Variants in CDH12 observed in about 807,000 individuals in gnomAD.
CDH12 encodes cadherin-12.
In CDH12, 41 loss-of-function variants were observed where a neutral mutation model predicts 74.1. The ratio of observed to expected loss-of-function variants is 0.55; its 90% confidence interval spans 0.43 to 0.72. CDH12 has a LOEUF of 0.72. CDH12 is among the 30% of genes least tolerant of loss of function. The pLI, the probability that CDH12 is intolerant of heterozygous loss-of-function variation, is 0.00. For missense variants in CDH12, 945 were observed against 977.2 expected (o/e 0.97, Z 0.44); for synonymous variants, 399 against 355.0 (o/e 1.12, Z -1.39).
intron 4 of CDH12, among the ~76,000 whole-genome samples, chr5:22,146,533 C>A (rs1747195719): frequency 6.6e-6 from 1 of 151,962 alleles, no homozygotes; most frequent in South Asian, 2.1e-4. Context: ...ATTTTATGGC[C>A]TCTACCCCAT....
intron 1 of CDH12, among the ~76,000 whole-genome samples, chr5:22,681,326 G>T (rs1741482706): frequency 6.6e-6 from 1 of 151,324 alleles, no homozygotes; most frequent in African/African-American, 2.4e-5. Context: ...TTCTGAATAT[G>T]GGCATGAGAG....
chr5:22,668,864 C>A (rs553966009), intron 1 of CDH12, among the ~76,000 whole-genome samples: 1 of 152,040 alleles, frequency 6.6e-6, no homozygotes, highest in South Asian at 2.1e-4. Flanking sequence ...CTCCTCCCTC[C>A]TCCTCTCCTC....
Position 21,755,611 on chromosome 5 carries a change from A to G in CDH12, c.1865T>C (p.Leu622Pro), listed in dbSNP as rs758648048. Residue 622 changes from leucine (L) to proline (P), a missense_variant, in exon 14 of 15, where the codon CTA becomes CCA. Leu to Pro is a moderately conservative substitution (Grantham distance 98). This residue lies in a region of CDH12 where 791 missense variants were observed against 792.8 expected (regional missense o/e 1.00). Transcript: ENST00000382254. ...CCAACCTAAGAGTATAACAATGCATAGTAGAATTGCAATCAACGCCCCAGT... is the reference window on the plus strand; with the variant it reads ...CCAACCTAAGAGTATAACAATGCATGGTAGAATTGCAATCAACGCCCCAGT... ...LSTGALIAILLCIVILLAIVV... is the reference protein window; with the variant it reads ...LSTGALIAILPCIVILLAIVV... 1.9e-6 allele frequency: 3 copies of G among 1,613,890 alleles called. No individual in the cohort carries two copies. The African/African-American group carries it at 4.0e-5, about 22-fold the overall frequency.
In CDH12 at chr5:22,712,432, C is replaced by T. The variant is rs527502112; in HGVS notation, c.-523+140626G>A. On this transcript the variant is annotated intron_variant, in intron 1 of 14. Coordinates refer to ENST00000382254, the MANE Select transcript of CDH12 (RefSeq NM_004061.5). ...CAAGTTCCTCAGCATCAAAACCTCT[C>T]CCCTTTTAAATCTACTCTAATCAAT... Among the ~76,000 whole-genome samples, 223 of 151,982 alleles carry T rather than the reference C, an allele frequency of 1.5e-3. 1 individual carries two copies. Among genetic ancestry groups the T allele is most frequent in the African/African-American group, 5.3e-3 (220 of 41,514 alleles).
At chr5:22,669,899 AT>A (rs200605316) in intron 1 of CDH12, among the ~76,000 whole-genome samples, 1 of 148,800 alleles carries the variant, frequency 6.7e-6, no homozygotes, top group African/African-American at 2.5e-5. Flanking sequence ...GGTCAAAACT[AT>A]GAAGTAGTGA....
intron 1 of CDH12, among the ~76,000 whole-genome samples, chr5:22,526,080 C>G (rs1737262976): frequency 6.6e-6 from 1 of 152,114 alleles, no homozygotes; most frequent in East Asian, 1.9e-4. Flanking sequence ...AGTCTTTACT[C>G]ATTTCTTCAC....
chr5:22,830,241 ATTGT>A (rs1168015809), intron 1 of CDH12, among the ~76,000 whole-genome samples: 2 of 152,158 alleles, frequency 1.3e-5, no homozygotes, highest in Non-Finnish European at 2.9e-5. Flanking sequence ...AGACAATTAA[ATTGT>A]TTAAGAAAAG....
At chr5:22,335,566 C>A (rs1028186579) in intron 3 of CDH12, among the ~76,000 whole-genome samples, 1 of 150,964 alleles carries the variant, frequency 6.6e-6, no homozygotes, top group Admixed American at 6.6e-5. Context: ...GGCTGGGTGA[C>A]AGAGTAAGAC....
At position 22,235,767 on chromosome 5, in the gene CDH12, A is replaced by C. The variant is rs529236967; in HGVS notation, c.-332-23124T>G. Among the ~76,000 whole-genome samples the C allele has an allele frequency of 2.6e-5, 4 of 152,318 alleles. No homozygotes were observed. The South Asian group carries it at 8.3e-4, about 32-fold the overall frequency. On this transcript the variant is annotated intron_variant, in intron 3 of 14. Transcript: ENST00000382254. ...TAAAAGAGTAGCAGAAAGAAAAATA[A>C]GGAAAAGTTCATACAGTCCTGCCTC...
At chr5:22,018,193 A>G (rs2150158556) in intron 5 of CDH12, among the ~76,000 whole-genome samples, 1 of 152,300 alleles carries the variant, frequency 6.6e-6, no homozygotes, top group African/African-American at 2.4e-5. Flanking sequence ...AACCAACAGA[A>G]ACTAAACAGA....
At chr5:22,415,294 A>G (rs965511777) in intron 2 of CDH12, among the ~76,000 whole-genome samples, 12 of 152,228 alleles carry the variant, frequency 7.9e-5, no homozygotes, top group African/African-American at 2.9e-4. Flanking sequence ...TAATTTTTAA[A>G]AAGAACAAGC....
At chr5:22,228,561 A>G (rs900542497) in intron 3 of CDH12, among the ~76,000 whole-genome samples, 2 of 152,212 alleles carry the variant, frequency 1.3e-5, no homozygotes, top group African/African-American at 2.4e-5. Flanking sequence ...GTTTTATAAA[A>G]GAATACTATA....
chr5:22,174,353 A>T (rs1162968345), intron 4 of CDH12, among the ~76,000 whole-genome samples: 1 of 152,024 alleles, frequency 6.6e-6, no homozygotes, highest in Non-Finnish European at 1.5e-5. Flanking sequence ...TAGTAAGTTA[A>T]AATTAAAGCA....
chr5:22,014,735 C>G lies in CDH12; in HGVS notation c.232-39350G>C, dbSNP rs998832277. Among the ~76,000 whole-genome samples the G allele has an allele frequency of 2.6e-5, 4 of 152,044 alleles. 1 individual carries two copies. The highest frequency in any genetic ancestry group is 4.4e-5 in the Non-Finnish European group (3 of 68,006). On this transcript the variant is annotated intron_variant, in intron 5 of 14. Transcript: ENST00000382254. ...ATAACATCATTTATCTGACCCTTTC[C>G]CACAATTTATCTGGCCTATCTGCCA...
At chr5:22,531,185 C>G (rs1737566965) in intron 1 of CDH12, among the ~76,000 whole-genome samples, 1 of 152,120 alleles carries the variant, frequency 6.6e-6, no homozygotes, top group Non-Finnish European at 1.5e-5. Flanking sequence ...AATTGCAGCA[C>G]AATTTAATTA....
chr5:22,278,173 A>C (rs1029537596), intron 3 of CDH12: 1 of 152,196 alleles, frequency 6.6e-6, no homozygotes, highest in Non-Finnish European at 1.5e-5. Flanking sequence ...CTAAAAACAA[A>C]ATAAATTATC....
intron 3 of CDH12, among the ~76,000 whole-genome samples, chr5:22,313,416 C>T (rs1738473400): frequency 6.6e-6 from 1 of 152,110 alleles, no homozygotes; most frequent in Non-Finnish European, 1.5e-5. Flanking sequence ...TGAATGCCTT[C>T]TGGAGATTTT....
intron 1 of CDH12, among the ~76,000 whole-genome samples, chr5:22,513,922 C>T (rs1017814353): frequency 2.8e-5 from 4 of 144,384 alleles, no homozygotes; most frequent in Non-Finnish European, 6.0e-5. Flanking sequence ...CACTCCAGCC[C>T]GGGGCCACAT....
At chr5:22,025,032 A>G (rs959890692) in intron 5 of CDH12, among the ~76,000 whole-genome samples, 1 of 152,174 alleles carries the variant, frequency 6.6e-6, no homozygotes, top group Non-Finnish European at 1.5e-5. Flanking sequence ...CAAAAGAAAC[A>G]TTACTTTACT....
Sources: allele counts gnomAD v4.1 joint callset (sites outside exome capture counted in the v4.1 genomes callset), GRCh38; gene constraint gnomAD v4.1.1; regional missense constraint gnomAD v4.1.1; transcripts MANE v1.5; gene names NCBI Gene and HGNC (gene_info 2026-07-23, HGNC 2026-07-21).